The following WWC1 variants were observed in gnomAD, a reference collection of about 807,000 sequenced individuals.
WWC1 encodes WW and C2 domain containing 1.
A neutral mutation model predicts 138.4 loss-of-function variants in WWC1; 55 were observed. That is an observed-to-expected ratio of 0.40 (90% CI 0.32 to 0.50). The LOEUF is 0.50. Among genes scored for constraint, WWC1 ranks in the 20% least tolerant of loss-of-function variants. WWC1 has a pLI of 0.72. For missense variants in WWC1, 1,226 were observed against 1,420.4 expected, an observed-to-expected ratio of 0.86 and a Z score of 2.20; for synonymous variants, 524 against 564.9, an observed-to-expected ratio of 0.93 and a Z score of 1.03.
chr5:168,447,194 C>G (rs560858105), intron 17 of WWC1, among the ~76,000 whole-genome samples: 1 of 152,324 alleles, frequency 6.6e-6, no homozygotes, highest in Non-Finnish European at 1.5e-5. Context: ...ATGATAAGCA[C>G]TTAACACAGA....
chr5:168,426,468 C>A (rs556768532), intron 11 of WWC1, among the ~76,000 whole-genome samples: 1 of 152,320 alleles, frequency 6.6e-6, no homozygotes, highest in Non-Finnish European at 1.5e-5. Context: ...ACACACAGGT[C>A]TCGGGATGGC....
At chr5:168,384,571 C>T (rs186593657) in intron 2 of WWC1, among the ~76,000 whole-genome samples, 1 of 152,060 alleles carries the variant, frequency 6.6e-6, no homozygotes. Context: ...TTTTTCTTTC[C>T]TTTAGTCTTC....
intron 2 of WWC1, among the ~76,000 whole-genome samples, chr5:168,384,632 T>G (rs1356125877): frequency 6.6e-6 from 1 of 152,122 alleles, no homozygotes; most frequent in African/African-American, 2.4e-5. Flanking sequence ...CCTCTCTGTC[T>G]AGATTAGTAC....
chr5:168,315,190 T>C (rs62385617), intron 1 of WWC1, among the ~76,000 whole-genome samples: 30 of 141,310 alleles, frequency 2.1e-4, no homozygotes, highest in Admixed American at 6.3e-4. Context: ...TTTTTTTTTT[T>C]CCATTCCTTC....
chr5:168,422,144 C>T (rs781267666), intron 10 of WWC1, 47 bp downstream of exon 10: 3 of 1,576,820 alleles, frequency 1.9e-6, no homozygotes, highest in Non-Finnish European at 1.7e-6. Context: ...CATGGCCAGA[C>T]ATGGGTGTCC....
chr5:168,361,288 G>A (rs1431477412), intron 1 of WWC1, among the ~76,000 whole-genome samples: 2 of 152,132 alleles, frequency 1.3e-5, no homozygotes, highest in Non-Finnish European at 2.9e-5. Flanking sequence ...CAGGAATGAG[G>A]ATGAAGCTGG....
intron 8 of WWC1, chr5:168,411,815 G>T (rs563235642): frequency 1.5e-4 from 38 of 252,010 alleles, no homozygotes; most frequent in African/African-American, 7.6e-4. Flanking sequence ...GGCAAAATTA[G>T]GATTCTCTAA....
rs766323250 is a variant in WWC1, at chr5:168,430,118, A to T, written c.2001-19A>T. On this transcript the variant is annotated intron_variant, in intron 13 of 22. Coordinates refer to ENST00000265293, the MANE Select transcript of WWC1 (RefSeq NM_015238.3). ...AGTGTGTTACTAATAGGTACTTCAT[A>T]TGCCCCTTTTCATTTCAGGTATGAT... The T allele has an allele frequency of 3.2e-6, 5 of 1,581,150 alleles. No individual in the cohort carries two copies. Among genetic ancestry groups the T allele is most frequent in the Non-Finnish European group, 4.3e-6 (5 of 1,150,550 alleles).
At chr5:168,421,562 G>GCCACAGGCAGGGTCCAGTA (rs1781091735) in intron 9 of WWC1, among the ~76,000 whole-genome samples, 1 of 152,182 alleles carries the variant, frequency 6.6e-6, no homozygotes, top group African/African-American at 2.4e-5. Flanking sequence ...TATCCCCAGT[G>GCCACAGGCAGGGTCCAGTA]CCACAGGCAG....
intron 7 of WWC1, 137 bp downstream of exon 7, chr5:168,408,790 C>A: frequency 8.3e-7 from 1 of 1,203,448 alleles, no homozygotes; most frequent in Non-Finnish European, 1.2e-6. Flanking sequence ...CTGCCTCAGC[C>A]CTCTGGAGCT....
rs116467940 is a variant in WWC1 at position 168,434,905 on chromosome 5, G to A, written c.2280+3461G>A. 2.3e-3 allele frequency among the ~76,000 whole-genome samples: 347 copies of A among 152,136 alleles called. 3 individuals are homozygous for A. Among genetic ancestry groups the A allele is most frequent in the African/African-American group, 8.0e-3 (332 of 41,506 alleles). On this transcript the variant is annotated intron_variant, in intron 15 of 22. Coordinates refer to ENST00000265293, the MANE Select transcript of WWC1 (RefSeq NM_015238.3). Reference sequence around the variant, plus strand: ...CGTCCCATGGTTCACCATTACAACCGTTCCCTTGCCTCCTCTCACTTTGGC... The same window carrying A: ...CGTCCCATGGTTCACCATTACAACCATTCCCTTGCCTCCTCTCACTTTGGC...
At chr5:168,400,480 C>T (rs1466013455) in intron 5 of WWC1, among the ~76,000 whole-genome samples, 3 of 152,132 alleles carry the variant, frequency 2.0e-5, no homozygotes, top group Non-Finnish European at 2.9e-5. Flanking sequence ...GTGATTGTGA[C>T]GATATTAGCT....
intron 5 of WWC1, among the ~76,000 whole-genome samples, chr5:168,405,493 G>A (rs1409165723): frequency 2.0e-5 from 3 of 152,234 alleles, no homozygotes; most frequent in East Asian, 1.9e-4. Context: ...CGATGCTACC[G>A]CATAAACTAT....
chr5:168,313,550 C>A (rs1771307927), intron 1 of WWC1, among the ~76,000 whole-genome samples: 2 of 151,494 alleles, frequency 1.3e-5, no homozygotes, highest in Non-Finnish European at 2.9e-5. Context: ...GAGATTGCAC[C>A]ACTGCACTCC....
At chr5:168,362,745 C>T (rs1242065885) in intron 1 of WWC1, among the ~76,000 whole-genome samples, 1 of 152,174 alleles carries the variant, frequency 6.6e-6, no homozygotes, top group Non-Finnish European at 1.5e-5. Flanking sequence ...AGCATAGAGA[C>T]TCAAGATGGA....
chr5:168,403,606 G>A (rs537544865), intron 5 of WWC1, among the ~76,000 whole-genome samples: 1 of 152,298 alleles, frequency 6.6e-6, no homozygotes, highest in South Asian at 2.1e-4. Context: ...AAATCAAGAC[G>A]AAAGCTTGGG....
intron 1 of WWC1, 23 bp from the exon 2 acceptor site, chr5:168,371,401 C>T (rs1449339985): frequency 1.3e-6 from 2 of 1,584,858 alleles, no homozygotes; most frequent in African/African-American, 2.7e-5. Context: ...CTGATGGAGT[C>T]TGTTTCTCCT....
rs553698233 is a variant in WWC1, at chr5:168,444,598, G to T, written c.2525+13G>T. 1 of 1,612,876 alleles carries T rather than the reference G, an allele frequency of 6.2e-7. No homozygotes were observed. The highest frequency in any genetic ancestry group is 8.5e-7 in the Non-Finnish European group (1 of 1,179,846). ...TGGAAGACAGCTGGTGAGTGAGCCC[G>T]CCCTTGGGCCCCAGGAGCTGCCCTG... On this transcript the variant is annotated intron_variant, in intron 17 of 22. Coordinates refer to ENST00000265293, the MANE Select transcript of WWC1 (RefSeq NM_015238.3).
Position 168,409,911 on chromosome 5 carries a change from T to C in WWC1, c.868-11T>C. 6.2e-7 allele frequency: 1 copy of C among 1,613,932 alleles called. No individual in the cohort carries two copies. The highest frequency in any genetic ancestry group is 8.5e-7 in the Non-Finnish European group (1 of 1,179,848). On this transcript the variant is annotated splice_polypyrimidine_tract_variant and intron_variant, in intron 7 of 22. Transcript: ENST00000265293. Reference sequence around the variant, plus strand: ...AGCCACATAATTCCTGACTTTGTTCTTCTCCTCCAGTTCGGCATCAACAGC... The same window carrying C: ...AGCCACATAATTCCTGACTTTGTTCCTCTCCTCCAGTTCGGCATCAACAGC...
Sources: allele counts gnomAD v4.1 joint callset (sites outside exome capture counted in the v4.1 genomes callset), GRCh38; gene constraint gnomAD v4.1.1; transcripts MANE v1.5; gene names NCBI Gene and HGNC (gene_info 2026-07-23, HGNC 2026-07-21).